PCCB: variants seen among roughly 807,000 people sequenced by gnomAD.
The protein encoded by PCCB is propionyl-CoA carboxylase beta chain, mitochondrial.
In PCCB, 43 loss-of-function variants were observed where a neutral mutation model predicts 60.7. The observed-to-expected ratio is 0.71, with a 90% CI of 0.55 to 0.91. The LOEUF is 0.91. Among genes scored for constraint, PCCB ranks in the 40% least tolerant of loss-of-function variants. The probability of loss-of-function intolerance (pLI) is 0.00; values close to 1 mark genes in which losing one functional copy is unlikely to be tolerated. For missense variants in PCCB, 766 were observed against 702.8 expected (o/e 1.09, Z -1.02); for synonymous variants, 276 against 255.9 (o/e 1.08, Z -0.75).
At chr3:136,263,432 AT>A (rs989134541) in intron 5 of PCCB, among the ~76,000 whole-genome samples, 6 of 150,078 alleles carry the variant, frequency 4.0e-5, no homozygotes, top group Admixed American at 1.3e-4. Context: ...CATCCGGTGA[AT>A]TTTTTTTTGT....
At position 136,329,989 on chromosome 3, in the gene PCCB, A is replaced by C. The variant is rs747954015; in HGVS notation, c.1583A>C (p.Gln528Pro). The change falls in exon 15 of 15, where the codon CAA becomes CCA. Residue 528 changes from glutamine (Q) to proline (P), a missense_variant. By Grantham distance (76) the Gln-to-Pro change is moderately conservative (BLOSUM62 -1). Transcript: ENST00000251654. ...GATGTCTTGGCCAGCAAGAAGGTAC[A>C]ACGTCCTTGGAGAAAACATGCAAAT... ...DLDVLASKKV[Q>P]RPWRKHANIP... 6.2e-7 allele frequency: 1 copy of C among 1,614,198 alleles called. No individual in the cohort carries two copies. The highest frequency in any genetic ancestry group is 1.3e-5 in the African/African-American group (1 of 75,060).
chr3:136,275,269 G>A (rs78385303), intron 5 of PCCB, among the ~76,000 whole-genome samples: 1,773 of 151,604 alleles, frequency 0.012, 33 homozygotes, highest in East Asian at 0.047. Context: ...TTTCATTTCC[G>A]GAAATTCTGA....
rs563215120 is a variant in PCCB, at chr3:136,298,333, G to C, written c.884+261G>C. ...AAACAGTTTTAAAGAAAAATTTTTT[G>C]ATTTCTAAGAAACTCTCAAGTTATC... On this transcript the variant is annotated intron_variant, in intron 8 of 14. Coordinates refer to ENST00000251654, the MANE Select transcript of PCCB (RefSeq NM_000532.5). 7.2e-3 allele frequency among the ~76,000 whole-genome samples: 1,089 copies of C among 152,194 alleles called. 16 individuals carry two copies. Among genetic ancestry groups the C allele is most frequent in the African/African-American group, 0.025 (1,036 of 41,522 alleles).
intron 5 of PCCB, 74 bp downstream of exon 5, chr3:136,262,139 C>G (rs1337590822): frequency 2.2e-6 from 2 of 896,408 alleles, no homozygotes; most frequent in Non-Finnish European, 3.6e-6. Flanking sequence ...GCCAGAGCTT[C>G]TCCAACTCTC....
intron 10 of PCCB, among the ~76,000 whole-genome samples, chr3:136,324,590 ACT>A (rs917219221): frequency 3.0e-4 from 45 of 148,278 alleles, no homozygotes; most frequent in Admixed American, 1.3e-3. Context: ...TCCTAAAGAC[ACT>A]CTCTGTTTTT....
intron 5 of PCCB, among the ~76,000 whole-genome samples, chr3:136,264,991 C>G (rs537226380): frequency 5.4e-4 from 81 of 151,360 alleles, no homozygotes; most frequent in Non-Finnish European, 1.0e-3. Context: ...GTCAGGAGTT[C>G]AAGACCAGCC....
intron 2 of PCCB, 114 bp from the exon 3 acceptor site, chr3:136,256,441 T>G: frequency 1.3e-6 from 1 of 762,192 alleles, no homozygotes; most frequent in Non-Finnish European, 2.4e-6. Context: ...CTTGTTCATA[T>G]TGACGTTTTA....
intron 7 of PCCB, among the ~76,000 whole-genome samples, chr3:136,297,729 A>AGGAG (rs1933999915): frequency 6.6e-6 from 1 of 152,158 alleles, no homozygotes; most frequent in Admixed American, 6.5e-5. Flanking sequence ...ACCCCTGTAG[A>AGGAG]GGTGTGGTTG....
chr3:136,267,151 C>T (rs1414750052), intron 5 of PCCB, among the ~76,000 whole-genome samples: 1 of 151,902 alleles, frequency 6.6e-6, no homozygotes, highest in Non-Finnish European at 1.5e-5. Context: ...TCTAAAAGTG[C>T]TGGGGTTACA....
intron 6 of PCCB, among the ~76,000 whole-genome samples, chr3:136,289,002 A>G (rs1933553275): frequency 6.6e-6 from 1 of 151,900 alleles, no homozygotes; most frequent in Non-Finnish European, 1.5e-5. Flanking sequence ...GGGTTTCACC[A>G]TGTTGGCCAG....
At position 136,310,088 on chromosome 3, in the gene PCCB, G is replaced by C. The variant is rs557377936; in HGVS notation, c.967-6853G>C. On this transcript the variant is annotated intron_variant, in intron 9 of 14. Transcript: ENST00000251654. Reference sequence around the variant, plus strand: ...CTCTACAAAAAATAAATTAGGGCCAGGCAAGGTGGCTCACACCTGTAATCC... The same window carrying C: ...CTCTACAAAAAATAAATTAGGGCCACGCAAGGTGGCTCACACCTGTAATCC... 1.1e-4 allele frequency among the ~76,000 whole-genome samples: 16 copies of C among 152,212 alleles called. 1 individual carries two copies. The South Asian group carries it at 2.7e-3, about 26-fold the overall frequency.
At chr3:136,261,172 G>C (rs984277772) in intron 4 of PCCB, among the ~76,000 whole-genome samples, 1 of 152,212 alleles carries the variant, frequency 6.6e-6, no homozygotes, top group Non-Finnish European at 1.5e-5. Context: ...AGAAGGTAAA[G>C]AACAGTGCGA....
At chr3:136,266,230 G>C (rs1175022769) in intron 5 of PCCB, among the ~76,000 whole-genome samples, 2 of 151,748 alleles carry the variant, frequency 1.3e-5, no homozygotes, top group Admixed American at 1.3e-4. Flanking sequence ...CCAGGTTCAA[G>C]TGATTGCCCT....
intron 5 of PCCB, among the ~76,000 whole-genome samples, chr3:136,280,882 G>A (rs1464849675): frequency 6.6e-6 from 1 of 152,072 alleles, no homozygotes; most frequent in African/African-American, 2.4e-5. Flanking sequence ...TCAAACTCTT[G>A]GCCTCAAGTG....
At chr3:136,290,324 C>T (rs1933616682) in intron 6 of PCCB, among the ~76,000 whole-genome samples, 1 of 152,144 alleles carries the variant, frequency 6.6e-6, no homozygotes, top group South Asian at 2.1e-4. Flanking sequence ...GATCTTTCCC[C>T]TCAACACTTT....
At chr3:136,271,633 TTGAG>T (rs1215621999) in intron 5 of PCCB, among the ~76,000 whole-genome samples, 1 of 152,174 alleles carries the variant, frequency 6.6e-6, no homozygotes, top group African/African-American at 2.4e-5. Flanking sequence ...GTAAAAGGAA[TTGAG>T]TTCTTGATTT....
rs144769839 is a variant in PCCB, at chr3:136,276,558, C to G, written c.544-7279C>G. 2.0e-3 allele frequency among the ~76,000 whole-genome samples: 305 copies of G among 152,034 alleles called. 1 individual carries two copies. The highest frequency in any genetic ancestry group is 6.8e-3 in the African/African-American group (284 of 41,466). On this transcript the variant is annotated intron_variant, in intron 5 of 14. Coordinates refer to ENST00000251654, the MANE Select transcript of PCCB (RefSeq NM_000532.5). The stretch of plus-strand genomic sequence containing the variant: ...GGAATTTGTGACTCTGCCTCTCTTG[C>G]AAGCCTGAACTTGGGCCAGGGCGGG...
intron 5 of PCCB, among the ~76,000 whole-genome samples, chr3:136,266,155 G>A (rs1250694252): frequency 7.0e-6 from 1 of 143,358 alleles, no homozygotes; most frequent in East Asian, 2.1e-4. Flanking sequence ...TTGAGATGGA[G>A]TCTCACTCTG....
intron 5 of PCCB, among the ~76,000 whole-genome samples, chr3:136,269,422 G>T (rs948691245): frequency 6.6e-6 from 1 of 151,952 alleles, no homozygotes; most frequent in African/African-American, 2.4e-5. Context: ...TGAATAGGGG[G>T]TGTGTGTGTA....
Sources: allele counts gnomAD v4.1 joint callset (sites outside exome capture counted in the v4.1 genomes callset), GRCh38; gene constraint gnomAD v4.1.1; transcripts MANE v1.5; gene names NCBI Gene and HGNC (gene_info 2026-07-23, HGNC 2026-07-21).